Variants in KIF26A observed in about 807,000 individuals in gnomAD.
KIF26A encodes kinesin family member 26A, also known as kinesin-like protein KIF26A.
KIF26A carries 74 observed loss-of-function variants against 126.0 expected under a neutral mutation model. The observed-to-expected ratio is 0.59, with a 90% CI of 0.49 to 0.71. The LOEUF (loss-of-function observed/expected upper bound fraction) is 0.71, where lower values mean the gene tolerates loss of function less well. Among genes scored for constraint, KIF26A ranks in the 30% least tolerant of loss-of-function variants. The pLI is 0.00. For synonymous variants in KIF26A, 1,445 were observed against 1,232.7 expected, an observed-to-expected ratio of 1.17 and a Z score of -3.61; for missense variants, 2,984 against 2,763.3, an observed-to-expected ratio of 1.08 and a Z score of -1.79.
intron 5 of KIF26A, among the ~76,000 whole-genome samples, chr14:104,169,680 A>G (rs1408124478): frequency 6.6e-6 from 1 of 152,224 alleles, no homozygotes; most frequent in Non-Finnish European, 1.5e-5. Flanking sequence ...ACTTAAGATA[A>G]TTCATCACAG....
intron 4 of KIF26A, 135 bp downstream of exon 4, chr14:104,158,077 C>A: frequency 1.2e-6 from 1 of 856,790 alleles, no homozygotes; most frequent in Non-Finnish European, 1.7e-6. Context: ...TGGGGAGCTG[C>A]TCCGACCACA....
rs766413917 is a variant in KIF26A, at chr14:104,166,927, G to T, written c.992G>T (p.Arg331Leu). The change falls in exon 5 of 15, where the codon CGC becomes CTC. Residue 331 changes from arginine to leucine, a missense_variant. By Grantham distance (102) the Arg-to-Leu change is moderately radical (BLOSUM62 -2). Coordinates refer to ENST00000423312, the MANE Select transcript of KIF26A (RefSeq NM_015656.2). ...KPHPPPPPAT[R>L]GTSTYPTDFS... ...CACCCGCCACCGCCTCCAGCCACCC[G>T]CGGCACCTCCACCTACCCCACCGAC... 1.9e-6 allele frequency: 3 copies of T among 1,593,620 alleles called. No individual in the cohort carries two copies. Among genetic ancestry groups the T allele is most frequent in the Admixed American group, 1.7e-5 (1 of 57,672 alleles).
intron 4 of KIF26A, among the ~76,000 whole-genome samples, chr14:104,166,186 C>CA (rs57861406): frequency 2.9e-3 from 417 of 145,638 alleles, no homozygotes; most frequent in African/African-American, 0.01. Flanking sequence ...TGGCAGGGGC[C>CA]CAGGAGCTGG....
At position 104,180,027 on chromosome 14, in the gene KIF26A, T is replaced by C. The variant is rs946664610; in HGVS notation, c.*237T>C. 5 of 446,716 alleles carry C rather than the reference T, an allele frequency of 1.1e-5. No homozygotes were observed. The highest frequency in any genetic ancestry group is 2.0e-5 in the Non-Finnish European group (5 of 255,266). 27.7% of individuals were successfully genotyped at this position (446,716 alleles called of 1,614,324 possible). ...CACCCGACAGCAACGCAAGTGCCTT[T>C]GACCTTGATTTGGACTTTTCTCCCT... On this transcript the variant is annotated 3_prime_UTR_variant, in exon 15 of 15. Transcript: ENST00000423312.
rs190614778 is a variant in KIF26A, at chr14:104,175,814, C to T, written c.3026C>T (p.Pro1009Leu). The change falls in exon 12 of 15, where the codon CCG becomes CTG. Residue 1009 changes from proline (P) to leucine (L), a missense_variant. Transcript: ENST00000423312. ...CPRLAAGSRCPERGLLTTTVT... is the reference protein window; with the variant it reads ...CPRLAAGSRCLERGLLTTTVT... ...CGCCTGGCTGCTGGCAGTCGCTGTCCGGAGCGGGGCCTGCTCACCACCACA... is the reference window on the plus strand; with the variant it reads ...CGCCTGGCTGCTGGCAGTCGCTGTCTGGAGCGGGGCCTGCTCACCACCACA... 4,087 of 1,538,862 alleles carry T rather than the reference C, an allele frequency of 2.7e-3. 13 individuals carry two copies. Among genetic ancestry groups the T allele is most frequent in the Non-Finnish European group, 3.2e-3 (3,699 of 1,146,926 alleles).
At chr14:104,167,128 G>GC in intron 5 of KIF26A, 80 bp downstream of exon 5, 1 of 1,365,294 alleles carries the variant, frequency 7.3e-7, no homozygotes, top group Non-Finnish European at 9.6e-7. Flanking sequence ...TGAGGGAGTG[G>GC]AGGGGCTGCC....
In KIF26A at chr14:104,156,317, C is replaced by T. The variant is rs553017303; in HGVS notation, c.736-1438C>T. Among the ~76,000 whole-genome samples, 13 of 152,322 alleles carry T rather than the reference C, an allele frequency of 8.5e-5. No individual in the cohort carries two copies. The South Asian group carries it at 1.2e-3, about 15-fold the overall frequency. On this transcript the variant is annotated intron_variant, in intron 3 of 14. Transcript: ENST00000423312. The stretch of plus-strand genomic sequence containing the variant: ...TGGCTGGGAGAAGGAGAGGGCTGGC[C>T]GGGCTGGGTTCAGAGGGATGTACAG...
Position 104,177,007 on chromosome 14 carries a change from C to A in KIF26A, c.4219C>A (p.Arg1407=), listed in dbSNP as rs751963452. 5 of 1,551,618 alleles carry A rather than the reference C, an allele frequency of 3.2e-6. No individual in the cohort carries two copies. In the African/African-American group the frequency reaches 6.8e-5, roughly 21 times the overall value. ...RGEEEPRPSS[R]ADHSVPRATS... is the part of the protein sequence containing the mutation. ...GGAGGAGGAGCCCAGACCCAGCAGC[C>A]GGGCTGACCACTCTGTCCCCAGGGC... The change falls in exon 12 of 15, where the codon CGG becomes AGG. Residue 1407 remains arginine (R), a synonymous_variant. Coordinates refer to ENST00000423312, the MANE Select transcript of KIF26A (RefSeq NM_015656.2).
At chr14:104,140,535 G>A (rs1213732797) in intron 2 of KIF26A, among the ~76,000 whole-genome samples, 1 of 152,202 alleles carries the variant, frequency 6.6e-6, no homozygotes, top group Non-Finnish European at 1.5e-5. Flanking sequence ...CCTCATTCTT[G>A]GAGTGGGCTT....
chr14:104,149,509 C>G (rs1213752762), intron 2 of KIF26A, among the ~76,000 whole-genome samples: 1 of 152,142 alleles, frequency 6.6e-6, no homozygotes, highest in African/African-American at 2.4e-5. Flanking sequence ...AGCACTGGCC[C>G]CCAACACCTG....
In KIF26A at chr14:104,175,047, C is replaced by T. The variant is rs374398397; in HGVS notation, c.2259C>T (p.His753=). 16 of 1,575,732 alleles carry T rather than the reference C, an allele frequency of 1.0e-5. No homozygotes were observed. The highest frequency in any genetic ancestry group is 1.3e-5 in the Non-Finnish European group (15 of 1,163,608). ...CEEGRARRPP[H]LRPFHPRTVA... is the part of the protein sequence containing the mutation. Reference sequence around the variant, plus strand: ...AAGGCCGGGCCCGTCGGCCCCCGCACCTGCGGCCCTTCCACCCACGCACTG... The same window carrying T: ...AAGGCCGGGCCCGTCGGCCCCCGCATCTGCGGCCCTTCCACCCACGCACTG... The change falls in exon 12 of 15, where the codon CAC becomes CAT. Residue 753 remains histidine, a synonymous_variant. Transcript: ENST00000423312.
intron 2 of KIF26A, among the ~76,000 whole-genome samples, chr14:104,142,914 T>C (rs2037649864): frequency 1.3e-5 from 2 of 152,304 alleles, no homozygotes; most frequent in Admixed American, 1.3e-4. Context: ...ATTCCGGCTA[T>C]CCGCCCCTCA....
chr14:104,173,046 C>G lies in KIF26A; in HGVS notation c.1490C>G (p.Ser497Cys). The G allele has an allele frequency of 6.2e-7, 1 of 1,606,754 alleles. No homozygotes were observed. ...QSLGIVPCAISWLFRLIEERR... is the reference protein window; with the variant it reads ...QSLGIVPCAICWLFRLIEERR... ...CTGGGCATCGTGCCCTGCGCCATCT[C>G]CTGGCTCTTCAGGCTCATCGAGGAG... The change falls in exon 8 of 15, where the codon TCC (serine) becomes TGC (cysteine). Residue 497 changes from serine (S) to cysteine (C), a missense_variant. Transcript: ENST00000423312.
intron 4 of KIF26A, among the ~76,000 whole-genome samples, chr14:104,164,720 T>C (rs1378397327): frequency 3.3e-5 from 5 of 151,702 alleles, no homozygotes; most frequent in Non-Finnish European, 4.4e-5. Context: ...TGTGAGTGTG[T>C]GTGCGTGTCT....
intron 4 of KIF26A, among the ~76,000 whole-genome samples, chr14:104,163,387 G>A (rs1048186712): frequency 1.1e-4 from 17 of 152,176 alleles, no homozygotes; most frequent in Non-Finnish European, 2.4e-4. Context: ...CAGACAGCGT[G>A]GGCGAGTGTG....
At chr14:104,161,693 G>C (rs1024520610) in intron 4 of KIF26A, among the ~76,000 whole-genome samples, 2 of 152,184 alleles carry the variant, frequency 1.3e-5, no homozygotes, top group Admixed American at 1.3e-4. Flanking sequence ...CCCCCTGCTG[G>C]CAGGGACATA....
chr14:104,166,906 C>A lies in KIF26A; in HGVS notation c.971C>A (p.Pro324Gln), dbSNP rs866669735. 2 of 1,590,714 alleles carry A rather than the reference C, an allele frequency of 1.3e-6. No individual in the cohort carries two copies. Among genetic ancestry groups the A allele is most frequent in the East Asian group, 4.6e-5 (2 of 43,544 alleles). Residue 324 changes from proline (P) to glutamine (Q), a missense_variant, in exon 5 of 15, where the codon CCG becomes CAG. Pro to Gln is a moderately conservative substitution (Grantham distance 76). Transcript: ENST00000423312. Reference protein sequence around the residue: ...SLASKRKKPHPPPPPATRGTS... With the variant: ...SLASKRKKPHQPPPPATRGTS... ...GCCTCCAAGAGGAAGAAGCCCCACC[C>A]GCCACCGCCTCCAGCCACCCGCGGC... is the stretch of plus-strand genomic sequence containing the variant.
In KIF26A at chr14:104,176,429, C is replaced by G. The variant is rs747471698; in HGVS notation, c.3641C>G (p.Pro1214Arg). 3.1e-6 allele frequency: 5 copies of G among 1,595,522 alleles called. No individual in the cohort carries two copies. Among genetic ancestry groups the G allele is most frequent in the Non-Finnish European group, 4.3e-6 (5 of 1,168,592 alleles). The stretch of plus-strand genomic sequence containing the variant: ...ATCCACTCCAGCCTCCCCCGGAAAC[C>G]GAGGACTGCCTCTGCCACCACCCGT... ...QTIHSSLPRK[P>R]RTASATTRVG... Residue 1214 changes from proline (P) to arginine (R), a missense_variant, in exon 12 of 15, where the codon CCG becomes CGG. Transcript: ENST00000423312.
At chr14:104,174,451 G>GGGCATAGCCTCATGAC in intron 11 of KIF26A, 141 bp downstream of exon 11, 1 of 929,724 alleles carries the variant, frequency 1.1e-6, no homozygotes, top group South Asian at 2.2e-5. Flanking sequence ...CTGATGTCAT[G>GGGCATAGCCTCATGAC]AGGCTATGCC....
Sources: gnomAD v4.1 joint callset for allele counts (sites outside exome capture counted in the v4.1 genomes callset) on GRCh38, gnomAD v4.1.1 for gene constraint, MANE v1.5 for transcripts, NCBI Gene and HGNC (gene_info 2026-07-23, HGNC 2026-07-21) for gene names.